Variants in CENPO observed in about 807,000 individuals in gnomAD.
CENPO encodes centromeric protein O.
CENPO carries 30 observed loss-of-function variants against 36.1 expected under a neutral mutation model. The observed-to-expected ratio is 0.83, with a 90% CI of 0.62 to 1.13. CENPO has a LOEUF of 1.13. CENPO is among the 50% of genes most tolerant of loss of function. The pLI, the probability that CENPO is intolerant of heterozygous loss-of-function variation, is 0.00. For synonymous variants in CENPO, 171 were observed against 142.3 expected (o/e 1.20, Z -1.44); for missense variants, 349 against 357.8 (o/e 0.98, Z 0.20).
chr2:24,799,894 C>T (rs755159676), intron 3 of CENPO, 50 bp downstream of exon 3: 22 of 1,584,162 alleles, frequency 1.4e-5, no homozygotes, highest in African/African-American at 1.2e-4. Context: ...AATGAACAAA[C>T]GTGATTTGGG....
At chr2:24,815,896 T>C in intron 5 of CENPO, 140 bp downstream of exon 5, 6 of 784,968 alleles carry the variant, frequency 7.6e-6, no homozygotes, top group Non-Finnish European at 1.2e-5. Context: ...TTCTTATTTA[T>C]ATAAAAGCAC....
chr2:24,793,877 G>C lies in CENPO; in HGVS notation c.-43G>C. The C allele has an allele frequency of 1.2e-6, 2 of 1,614,028 alleles. No homozygotes were observed. ...CAAGGACATTGGAGTCCCTATCACC[G>C]GTTGCCTAGACAACTTCATGGGAAG... On this transcript the variant is annotated 5_prime_UTR_variant, in exon 2 of 8. Coordinates refer to ENST00000380834, the MANE Select transcript of CENPO (RefSeq NM_001322101.2).
chr2:24,794,861 A>G (rs1366246113), intron 2 of CENPO, among the ~76,000 whole-genome samples: 2 of 152,218 alleles, frequency 1.3e-5, no homozygotes, highest in African/African-American at 2.4e-5. Context: ...TACTTTGGGA[A>G]AGCTTGCCAT....
At chr2:24,810,502 A>G (rs1004560270) in intron 3 of CENPO, among the ~76,000 whole-genome samples, 1 of 138,490 alleles carries the variant, frequency 7.2e-6, no homozygotes, top group African/African-American at 2.6e-5. Context: ...TTGCAGGTTA[A>G]GGTTTTTTTT....
rs1376774437 is a variant in CENPO at position 24,815,614 on chromosome 2, A to G, written c.452A>G (p.His151Arg). The G allele has an allele frequency of 6.2e-7, 1 of 1,614,186 alleles. No individual in the cohort carries two copies. Among genetic ancestry groups the G allele is most frequent in the African/African-American group, 1.3e-5 (1 of 75,048 alleles). ...DLVIQKPLRIHHHSVPVFIPL... is the reference protein window; with the variant it reads ...DLVIQKPLRIRHHSVPVFIPL... ...GTCATACAGAAACCACTCCGGATACATCACCATTCAGTCCCAGTCTTCATT... is the reference window on the plus strand; with the variant it reads ...GTCATACAGAAACCACTCCGGATACGTCACCATTCAGTCCCAGTCTTCATT... Residue 151 changes from histidine to arginine, a missense_variant, in exon 5 of 8, where the codon CAT (histidine) becomes CGT (arginine). His to Arg is a conservative substitution (Grantham distance 29). Transcript: ENST00000380834.
Position 24,816,639 on chromosome 2 carries a change from C to T in CENPO, c.595-7C>T, listed in dbSNP as rs749432303. ...CTCTACTTCGTTTTGTTCCTCACCC[C>T]TCTTAGAGTGACTTTGCAGCCCTCC... On this transcript the variant is annotated splice_polypyrimidine_tract_variant and splice_region_variant and intron_variant, in intron 5 of 7. Transcript: ENST00000380834. 2 of 1,600,496 alleles carry T rather than the reference C, an allele frequency of 1.2e-6. No homozygotes were observed. Among genetic ancestry groups the T allele is most frequent in the South Asian group, 2.3e-5 (2 of 88,244 alleles).
intron 2 of CENPO, among the ~76,000 whole-genome samples, chr2:24,798,636 G>A (rs1017803977): frequency 1.3e-5 from 2 of 151,780 alleles, no homozygotes; most frequent in African/African-American, 4.8e-5. Flanking sequence ...AATTTTTTGT[G>A]TTTTTGGTAG....
Position 24,820,406 on chromosome 2 carries a change from C to T in CENPO, c.*1088C>T, listed in dbSNP as rs1572760981. ...TACCTGGAAACTGCCACTGCCTGCT[C>T]TTCTGTCCCTTTGCCCCTTTCGTGG... is the stretch of plus-strand genomic sequence containing the variant. On this transcript the variant is annotated 3_prime_UTR_variant, in exon 8 of 8. Coordinates refer to ENST00000380834, the MANE Select transcript of CENPO (RefSeq NM_001322101.2). The T allele has an allele frequency of 1.5e-6, 2 of 1,324,774 alleles. No homozygotes were observed. The highest frequency in any genetic ancestry group is 3.1e-5 in the East Asian group (1 of 32,572). The allele number at this position is 1,324,774 out of a possible 1,614,324, so 82.1% of individuals were successfully genotyped here. A position where few individuals can be genotyped will look rare whatever the true frequency, so the allele number is the denominator to read the frequency against.
At chr2:24,798,868 G>T (rs576389658) in intron 2 of CENPO, among the ~76,000 whole-genome samples, 1 of 152,040 alleles carries the variant, frequency 6.6e-6, no homozygotes, top group Non-Finnish European at 1.5e-5. Flanking sequence ...TCCGTCCCAA[G>T]GCAAGGAGAG....
intron 3 of CENPO, 95 bp downstream of exon 3, chr2:24,799,939 T>C: frequency 7.4e-7 from 1 of 1,352,994 alleles, no homozygotes; most frequent in Non-Finnish European, 1.0e-6. Flanking sequence ...TAATGTGTTT[T>C]ACTTGTGATC....
chr2:24,809,435 G>A (rs934059040), intron 3 of CENPO, among the ~76,000 whole-genome samples: 1 of 151,756 alleles, frequency 6.6e-6, no homozygotes, highest in African/African-American at 2.4e-5. Flanking sequence ...ATATTTTTTA[G>A]TCTTCTTTTC....
At chr2:24,819,006 A>G (rs1468338476) in intron 7 of CENPO, among the ~76,000 whole-genome samples, 1 of 152,216 alleles carries the variant, frequency 6.6e-6, no homozygotes, top group East Asian at 1.9e-4. Flanking sequence ...AAGTTTAAGA[A>G]TAAAAGAGAC....
intron 3 of CENPO, among the ~76,000 whole-genome samples, chr2:24,810,337 TGTGAGACTAGG>T (rs1666619242): frequency 6.6e-6 from 1 of 152,076 alleles, no homozygotes; most frequent in Non-Finnish European, 1.5e-5. Flanking sequence ...CCCAGCCGTT[TGTGAGACTAGG>T]GTGAGAGGAT....
At chr2:24,808,781 C>G (rs1399745178) in intron 3 of CENPO, among the ~76,000 whole-genome samples, 1 of 152,040 alleles carries the variant, frequency 6.6e-6, no homozygotes, top group East Asian at 1.9e-4. Context: ...ACTTTTGCAT[C>G]TAAATTCATG....
At position 24,822,364 on chromosome 2, in the gene CENPO, TTTC is replaced by T; in HGVS notation, c.*3049_*3051del. On this transcript the variant is annotated 3_prime_UTR_variant, in exon 8 of 8. Coordinates refer to ENST00000380834, the MANE Select transcript of CENPO (RefSeq NM_001322101.2). ...TGCCGAACTTTCTCAATAAACCCTA[TTTC>T]TTATTTATATTTACGTGGTGCTGGT... is the stretch of plus-strand genomic sequence containing the variant. 1 of 1,165,562 alleles carries T rather than the reference TTTC, an allele frequency of 8.6e-7. No homozygotes were observed. Among genetic ancestry groups the T allele is most frequent in the Non-Finnish European group, 1.2e-6 (1 of 824,984 alleles). The allele number at this position is 1,165,562 out of a possible 1,614,324, so 72.2% of individuals were successfully genotyped here.
At chr2:24,801,293 T>C (rs1666156331) in intron 3 of CENPO, among the ~76,000 whole-genome samples, 1 of 152,220 alleles carries the variant, frequency 6.6e-6, no homozygotes, top group South Asian at 2.1e-4. Flanking sequence ...TTCACTCTGA[T>C]GGTAGTTTCT....
chr2:24,796,233 A>G (rs767907471), intron 2 of CENPO, among the ~76,000 whole-genome samples: 1 of 152,196 alleles, frequency 6.6e-6, no homozygotes, highest in Non-Finnish European at 1.5e-5. Context: ...GCATGCCTGT[A>G]GTCCCAGCTA....
At chr2:24,796,116 G>A (rs1340749450) in intron 2 of CENPO, among the ~76,000 whole-genome samples, 1 of 152,062 alleles carries the variant, frequency 6.6e-6, no homozygotes, top group Non-Finnish European at 1.5e-5. Context: ...AGCACTTTGG[G>A]AGGCCAAAGC....
intron 2 of CENPO, among the ~76,000 whole-genome samples, chr2:24,798,951 C>T (rs1448557287): frequency 1.4e-5 from 2 of 146,372 alleles, no homozygotes; most frequent in African/African-American, 5.1e-5. Context: ...TTAAGAAGCT[C>T]GATTAAATAA....
Sources: gnomAD v4.1 joint callset for allele counts (sites outside exome capture counted in the v4.1 genomes callset) on GRCh38, gnomAD v4.1.1 for gene constraint, MANE v1.5 for transcripts, NCBI Gene and HGNC (gene_info 2026-07-23, HGNC 2026-07-21) for gene names.